SHISA9: variants seen among roughly 807,000 people sequenced by gnomAD.
The protein encoded by SHISA9 is protein shisa-9.
In SHISA9, 13 loss-of-function variants were observed where a neutral mutation model predicts 38.0. The ratio of observed to expected loss-of-function variants is 0.34; its 90% confidence interval spans 0.22 to 0.54. The LOEUF (loss-of-function observed/expected upper bound fraction) is 0.54. SHISA9 is among the 20% of genes least tolerant of loss of function. The pLI is 0.91. For missense variants in SHISA9, 538 were observed against 575.8 expected (o/e 0.93, Z 0.67); for synonymous variants, 275 against 242.0 (o/e 1.14, Z -1.27).
At position 13,235,797 on chromosome 16, in the gene SHISA9, T is replaced by A; in HGVS notation, c.*388T>A. 1 of 202,546 alleles carries A rather than the reference T, an allele frequency of 4.9e-6. No individual in the cohort carries two copies. The highest frequency in any genetic ancestry group is 9.9e-6 in the Non-Finnish European group (1 of 100,720). The allele number at this position is 202,546 out of a possible 1,614,324, so 12.5% of individuals were successfully genotyped here. On this transcript the variant is annotated 3_prime_UTR_variant, in exon 5 of 5. Coordinates refer to ENST00000558583, the MANE Select transcript of SHISA9 (RefSeq NM_001145204.3). ...TAGCACAATTTAGAGAAATTGTCCA[T>A]TTGAGCACATACACTACTTGCCACG... is the stretch of plus-strand genomic sequence containing the variant.
rs9931305 is a variant in SHISA9 at position 13,049,156 on chromosome 16, A to C, written c.691+132341A>C. Among the ~76,000 whole-genome samples the C allele has an allele frequency of 2.4e-3, 156 of 63,964 alleles. 1 individual carries two copies. The highest frequency in any genetic ancestry group is 0.018 in the Middle Eastern group (2 of 114). The allele number at this position is 63,964 out of a possible 152,430, so 42.0% of individuals were successfully genotyped here. ...GCCATTCTAAGCTTTGGTTAGGAGT[A>C]TGTGTGTGTGTGTGTGTGTGTGTGT... On this transcript the variant is annotated intron_variant, in intron 2 of 4. Coordinates refer to ENST00000558583, the MANE Select transcript of SHISA9 (RefSeq NM_001145204.3).
the SHISA9 span, among the ~76,000 whole-genome samples, chr16:13,339,294 A>T: frequency 6.6e-6 from 1 of 151,614 alleles, no homozygotes; most frequent in African/African-American, 2.4e-5. Context: ...ATTATTTTAC[A>T]AGGGTCCTAA....
At position 13,018,332 on chromosome 16, in the gene SHISA9, T is replaced by C. The variant is rs80300917; in HGVS notation, c.691+101517T>C. ...CAATTTGAATCTAGTCTCACGCAGGTTGGCCCTGCTTCCTGAAGAAGCTGT... is the reference window on the plus strand; with the variant it reads ...CAATTTGAATCTAGTCTCACGCAGGCTGGCCCTGCTTCCTGAAGAAGCTGT... On this transcript the variant is annotated intron_variant, in intron 2 of 4. Coordinates refer to ENST00000558583, the MANE Select transcript of SHISA9 (RefSeq NM_001145204.3). Among the ~76,000 whole-genome samples, 674 of 152,360 alleles carry C rather than the reference T, an allele frequency of 4.4e-3. 5 individuals are homozygous for C. Among genetic ancestry groups the C allele is most frequent in the African/African-American group, 0.016 (660 of 41,590 alleles).
chr16:13,331,255 G>A, the SHISA9 span: 1 of 152,088 alleles, frequency 6.6e-6, no homozygotes, highest in African/African-American at 2.4e-5. Flanking sequence ...GGCAGGTGGG[G>A]GAGCCCTGGA....
rs11859294 is a variant in SHISA9, at chr16:13,095,449, G to T, written c.692-107945G>T. Among the ~76,000 whole-genome samples the T allele has an allele frequency of 8.2e-3, 1,244 of 152,370 alleles. 14 individuals are homozygous for T. The highest frequency in any genetic ancestry group is 0.027 in the African/African-American group (1,118 of 41,588). ...ATTAGAGGGGCCATACCCATGTGTGGCCACCTCACTGGGCTAGGGAAGGGA... is the reference window on the plus strand; with the variant it reads ...ATTAGAGGGGCCATACCCATGTGTGTCCACCTCACTGGGCTAGGGAAGGGA... On this transcript the variant is annotated intron_variant, in intron 2 of 4. Transcript: ENST00000558583.
At chr16:13,427,150 A>C in the SHISA9 span, among the ~76,000 whole-genome samples, 1 of 152,218 alleles carries the variant, frequency 6.6e-6, no homozygotes. Context: ...AGAGCATATG[A>C]CTTCATCAAT....
At chr16:13,013,610 C>T (rs2072705067) in intron 2 of SHISA9, among the ~76,000 whole-genome samples, 1 of 152,148 alleles carries the variant, frequency 6.6e-6, no homozygotes, top group African/African-American at 2.4e-5. Context: ...AAGGGTGTCT[C>T]CTAAAGGGTC....
At chr16:13,056,356 T>A (rs2073310818) in intron 2 of SHISA9, among the ~76,000 whole-genome samples, 1 of 152,142 alleles carries the variant, frequency 6.6e-6, no homozygotes, top group African/African-American at 2.4e-5. Context: ...AAAAGTCAAA[T>A]TATGCAATAG....
At chr16:13,511,743 T>C in the SHISA9 span, among the ~76,000 whole-genome samples, 1 of 151,532 alleles carries the variant, frequency 6.6e-6, no homozygotes, top group Non-Finnish European at 1.5e-5. Flanking sequence ...GAGACCAAGA[T>C]AACTGCAGTT....
chr16:13,204,431 A>T (rs190847248), intron 3 of SHISA9, among the ~76,000 whole-genome samples: 37 of 152,260 alleles, frequency 2.4e-4, no homozygotes, highest in Admixed American at 1.9e-3. Flanking sequence ...ATTTGGTCCC[A>T]CTGACACTTT....
chr16:13,517,751 C>T, the SHISA9 span, among the ~76,000 whole-genome samples: 1 of 152,170 alleles, frequency 6.6e-6, no homozygotes, highest in African/African-American at 2.4e-5. Flanking sequence ...TGGCAGGCTG[C>T]TCAAAAACCT....
chr16:13,260,470 C>G, the SHISA9 span, among the ~76,000 whole-genome samples: 1 of 152,094 alleles, frequency 6.6e-6, no homozygotes, highest in African/African-American at 2.4e-5. Context: ...CCAAAATTAT[C>G]TTTTTCAAGT....
the SHISA9 span, among the ~76,000 whole-genome samples, chr16:13,285,689 T>A: frequency 6.6e-6 from 1 of 152,220 alleles, no homozygotes; most frequent in East Asian, 1.9e-4. Context: ...TATAAGACAT[T>A]ATCCTAAGTG....
the SHISA9 span, among the ~76,000 whole-genome samples, chr16:13,473,349 C>CTTTTTTTTTTTTTTTTTTTTTTTTTTTT: frequency 4.1e-5 from 3 of 73,904 alleles, no homozygotes; most frequent in South Asian, 5.8e-4. Flanking sequence ...TTCTTTCTTT[C>CTTTTTTTTTTTTTTTTTTTTTTTTTTTT]TTTTTTTTTT....
chr16:13,359,083 A>G, the SHISA9 span, among the ~76,000 whole-genome samples: 10 of 66,302 alleles, frequency 1.5e-4, no homozygotes, highest in Non-Finnish European at 3.2e-4. Flanking sequence ...TTGGACTTCA[A>G]CTGAAGAAGA....
At chr16:13,274,530 A>T in the SHISA9 span, among the ~76,000 whole-genome samples, 1 of 152,160 alleles carries the variant, frequency 6.6e-6, no homozygotes, top group Non-Finnish European at 1.5e-5. Context: ...TTAAGTTTTA[A>T]TTAATTATTC....
chr16:13,195,149 C>G (rs565531429), intron 2 of SHISA9, among the ~76,000 whole-genome samples: 1 of 152,284 alleles, frequency 6.6e-6, no homozygotes, highest in East Asian at 1.9e-4. Flanking sequence ...ATTTTGGTTT[C>G]TAATATTATT....
At chr16:13,467,741 C>A in the SHISA9 span, among the ~76,000 whole-genome samples, 2 of 152,224 alleles carry the variant, frequency 1.3e-5, no homozygotes, top group Non-Finnish European at 2.9e-5. Context: ...AGATGTTGAG[C>A]TTGCCTCATT....
At chr16:13,027,642 A>T (rs1180315987) in intron 2 of SHISA9, among the ~76,000 whole-genome samples, 1 of 152,142 alleles carries the variant, frequency 6.6e-6, no homozygotes, top group African/African-American at 2.4e-5. Context: ...CACACAAAAC[A>T]TGGCTGAATC....
Sources: gnomAD v4.1 joint callset for allele counts (sites outside exome capture counted in the v4.1 genomes callset) on GRCh38, gnomAD v4.1.1 for gene constraint, MANE v1.5 for transcripts, NCBI Gene and HGNC (gene_info 2026-07-23, HGNC 2026-07-21) for gene names.